VPS13D: variants seen among roughly 807,000 people sequenced by gnomAD.
VPS13D encodes vacuolar protein sorting 13 homolog D.
In VPS13D, 187 loss-of-function variants were observed where a neutral mutation model predicts 461.9. The ratio of observed to expected loss-of-function variants is 0.40; its 90% confidence interval spans 0.36 to 0.46. The LOEUF is 0.46. VPS13D is among the 20% of genes least tolerant of loss of function. The pLI is 0.60. For missense variants in VPS13D, 4,711 were observed against 5,364.9 expected (o/e 0.88, Z 3.81); for synonymous variants, 1,951 against 1,986.3 (o/e 0.98, Z 0.47).
At chr1:12,246,148 G>T (rs1318664438) in intron 5 of VPS13D, among the ~76,000 whole-genome samples, 2 of 152,178 alleles carry the variant, frequency 1.3e-5, no homozygotes, top group Non-Finnish European at 2.9e-5. Flanking sequence ...GTACTCAAGT[G>T]AAAAATTACA....
intron 65 of VPS13D, among the ~76,000 whole-genome samples, chr1:12,436,751 C>G (rs1197050194): frequency 6.6e-6 from 1 of 152,118 alleles, no homozygotes; most frequent in Admixed American, 6.5e-5. Context: ...TCACCGCAAC[C>G]TCCGCCTCCC....
rs780819057 is a variant in VPS13D, at chr1:12,282,716, A to G, written c.4614A>G (p.Ala1538=). The G allele has an allele frequency of 3.1e-6, 5 of 1,602,222 alleles. No homozygotes were observed. Among genetic ancestry groups the G allele is most frequent in the Non-Finnish European group, 3.4e-6 (4 of 1,171,048 alleles). ...KFVNPVQVVL[A]KHVYEQVLQT... ...TCTTTTCAATACAGGTGGTGTTAGC[A>G]AAGCATGTATATGAGCAGGTTTTAC... Residue 1538 remains alanine, a synonymous_variant, in exon 21 of 70, where the codon GCA becomes GCG. Transcript: ENST00000620676.
At chr1:12,370,891 A>G (rs1342466900) in intron 54 of VPS13D, among the ~76,000 whole-genome samples, 2 of 152,204 alleles carry the variant, frequency 1.3e-5, no homozygotes, top group East Asian at 3.8e-4. Context: ...GGAAGACATA[A>G]AAAGAGAAGC....
rs1641660650 is a variant in VPS13D, at chr1:12,277,817, T to C, written c.4229T>C (p.Phe1410Ser). 6.2e-7 allele frequency: 1 copy of C among 1,614,056 alleles called. No individual in the cohort carries two copies. The highest frequency in any genetic ancestry group is 8.5e-7 in the Non-Finnish European group (1 of 1,179,958). Residue 1410 changes from phenylalanine to serine, a missense_variant, in exon 19 of 70, where the codon TTT (phenylalanine) becomes TCT (serine). Phe to Ser is a radical substitution (Grantham distance 155). This residue lies in a region of VPS13D where 4,411 missense variants were observed against 4,937.8 expected (regional missense o/e 0.89). Transcript: ENST00000620676. ...TTGGGACAGATATTCATCCAGAATTTTGTGGCGGGAGATGATGAATCCAGA... is the reference window on the plus strand; with the variant it reads ...TTGGGACAGATATTCATCCAGAATTCTGTGGCGGGAGATGATGAATCCAGA... ...GHLGQIFIQN[F>S]VAGDDESRSD...
intron 37 of VPS13D, among the ~76,000 whole-genome samples, chr1:12,331,374 A>G (rs891676297): frequency 4.6e-5 from 7 of 152,062 alleles, no homozygotes; most frequent in Admixed American, 1.3e-4. Context: ...GTTAGTTAAC[A>G]TTTTCCCTGT....
At chr1:12,320,624 G>A (rs1341692029) in intron 32 of VPS13D, among the ~76,000 whole-genome samples, 2 of 152,184 alleles carry the variant, frequency 1.3e-5, no homozygotes, top group Admixed American at 1.3e-4. Flanking sequence ...GCATGCTGGT[G>A]TGATGTGAGT....
chr1:12,500,611 T>C (rs1350504360), intron 68 of VPS13D, among the ~76,000 whole-genome samples: 1 of 152,120 alleles, frequency 6.6e-6, no homozygotes, highest in African/African-American at 2.4e-5. Flanking sequence ...ATTTAAATTG[T>C]ACTTTTAAAA....
At chr1:12,378,651 A>C in intron 56 of VPS13D, 60 bp downstream of exon 56, 1 of 1,424,978 alleles carries the variant, frequency 7.0e-7, no homozygotes, top group Non-Finnish European at 9.3e-7. Flanking sequence ...ACTCAGAGGA[A>C]ATCTACAACA....
In VPS13D at chr1:12,456,092, G is replaced by GT; in HGVS notation, c.12429dup (p.Glu4144Ter). The GT allele has an allele frequency of 6.2e-7, 1 of 1,613,850 alleles. No individual in the cohort carries two copies. The highest frequency in any genetic ancestry group is 8.5e-7 in the Non-Finnish European group (1 of 1,179,872). On this transcript the variant is annotated frameshift_variant, in exon 66 of 70. Coordinates refer to ENST00000620676, the MANE Select transcript of VPS13D (RefSeq NM_015378.4). LOFTEE classifies it high-confidence loss of function. The stretch of plus-strand genomic sequence containing the variant: ...ATCAGGTACCATGCAGCCACAAGTG[G>GT]TGAACACCTTGTAGCCGGCATCCAT...
At position 12,497,616 on chromosome 1, in the gene VPS13D, A is replaced by G. The variant is rs1645977833; in HGVS notation, c.12779A>G (p.Asn4260Ser). 6.2e-7 allele frequency: 1 copy of G among 1,613,338 alleles called. No homozygotes were observed. Among genetic ancestry groups the G allele is most frequent in the Non-Finnish European group, 8.5e-7 (1 of 1,179,796 alleles). ...GAGCAGCTCTTCAAACTCACAGACA[A>G]CATACAGGACGAATTGTAAGTTAGA... ...GQEQLFKLTDNIQDEFFIAVE... is the reference protein window; with the variant it reads ...GQEQLFKLTDSIQDEFFIAVE... The change falls in exon 68 of 70, where the codon AAC becomes AGC. Residue 4260 changes from asparagine (N) to serine (S), a missense_variant. Physicochemically the swap from Asn to Ser is conservative, Grantham distance 46. This residue lies in a region of VPS13D where 194 missense variants were observed against 220.9 expected (regional missense o/e 0.88). Coordinates refer to ENST00000620676, the MANE Select transcript of VPS13D (RefSeq NM_015378.4).
At chr1:12,462,422 G>C (rs905008156) in intron 67 of VPS13D, among the ~76,000 whole-genome samples, 3 of 152,212 alleles carry the variant, frequency 2.0e-5, no homozygotes, top group African/African-American at 7.2e-5. Context: ...CAAAAGGAAG[G>C]AACTTATCTA....
In VPS13D at chr1:12,277,487, T is replaced by C; in HGVS notation, c.3899T>C (p.Leu1300Ser). 6.2e-7 allele frequency: 1 copy of C among 1,614,188 alleles called. No homozygotes were observed. The highest frequency in any genetic ancestry group is 2.2e-5 in the East Asian group (1 of 44,886). ...CATTATAACCACTCTGCTAAGTTTT[T>C]GAAGGAGTTGACGTTATCCATGGAT... ...SLHYNHSAKF[L>S]KELTLSMDEL... Residue 1300 changes from leucine (L) to serine (S), a missense_variant, in exon 19 of 70, where the codon TTG (leucine) becomes TCG (serine). This residue lies in a region of VPS13D where 4,411 missense variants were observed against 4,937.8 expected (regional missense o/e 0.89). Transcript: ENST00000620676.
chr1:12,273,227 G>A, intron 18 of VPS13D, 92 bp downstream of exon 18: 1 of 1,427,940 alleles, frequency 7.0e-7, no homozygotes, highest in Non-Finnish European at 9.3e-7. Context: ...AAATGTTTAT[G>A]TAACATTTTT....
chr1:12,452,990 C>G (rs1645281995), intron 65 of VPS13D, among the ~76,000 whole-genome samples: 1 of 152,150 alleles, frequency 6.6e-6, no homozygotes, highest in African/African-American at 2.4e-5. Context: ...AGGTACCTTT[C>G]CATGGCAAAG....
At chr1:12,481,681 T>G (rs922456758) in intron 67 of VPS13D, among the ~76,000 whole-genome samples, 2 of 152,332 alleles carry the variant, frequency 1.3e-5, no homozygotes, top group Non-Finnish European at 2.9e-5. Flanking sequence ...GGAGAACATT[T>G]CAAAGCAAAG....
At chr1:12,366,946 A>G (rs1187426337) in intron 52 of VPS13D, among the ~76,000 whole-genome samples, 2 of 152,210 alleles carry the variant, frequency 1.3e-5, no homozygotes, top group African/African-American at 4.8e-5. Context: ...TTTCTAATTA[A>G]ATATAATACT....
intron 42 of VPS13D, 81 bp downstream of exon 42, chr1:12,343,132 T>C: frequency 8.6e-7 from 1 of 1,156,580 alleles, no homozygotes; most frequent in East Asian, 2.8e-5. Flanking sequence ...CTTTTTACTT[T>C]CCTTATAAAT....
chr1:12,434,460 G>A (rs1259184762), intron 65 of VPS13D, among the ~76,000 whole-genome samples: 2 of 152,140 alleles, frequency 1.3e-5, no homozygotes, highest in Non-Finnish European at 2.9e-5. Context: ...AAATGCCACA[G>A]CATGCACTAT....
rs1294465136 is a variant in VPS13D at position 12,509,491 on chromosome 1, A to C, written c.*467A>C. ...ATACTGTCTATAGAAAGGCATTCTT[A>C]AAAGTTAAAGAATGTTACGTCTTAG... On this transcript the variant is annotated 3_prime_UTR_variant, in exon 70 of 70. Coordinates refer to ENST00000620676, the MANE Select transcript of VPS13D (RefSeq NM_015378.4). 6.5e-6 allele frequency: 1 copy of C among 153,030 alleles called. No homozygotes were observed. The highest frequency in any genetic ancestry group is 1.5e-5 in the Non-Finnish European group (1 of 68,340). The allele number at this position is 153,030 out of a possible 1,614,324, so 9.5% of individuals were successfully genotyped here.
Sources: allele counts gnomAD v4.1 joint callset (sites outside exome capture counted in the v4.1 genomes callset), GRCh38; gene constraint gnomAD v4.1.1; regional missense constraint gnomAD v4.1.1; transcripts MANE v1.5; gene names NCBI Gene and HGNC (gene_info 2026-07-23, HGNC 2026-07-21).